Variants in RBFOX1 observed in about 807,000 individuals in gnomAD.
RBFOX1 encodes the protein RNA binding protein fox-1 homolog 1.
Under a neutral mutation model 57.7 loss-of-function variants are expected in RBFOX1, and 8 were observed. The observed-to-expected ratio is 0.14, with a 90% CI of 0.08 to 0.25. The LOEUF (loss-of-function observed/expected upper bound fraction) is 0.25, where lower values mean the gene tolerates loss of function less well. RBFOX1 is among the 10% of genes least tolerant of loss of function. RBFOX1 has a pLI of 1.00. For synonymous variants in RBFOX1, 326 were observed against 222.4 expected, an observed-to-expected ratio of 1.47 and a Z score of -4.15; for missense variants, 611 against 548.5, an observed-to-expected ratio of 1.11 and a Z score of -1.14.
chr16:6,909,733 TGTTG>T lies in RBFOX1; in HGVS notation c.-15-142320_-15-142317del, dbSNP rs570162009. On this transcript the variant is annotated intron_variant, in intron 3 of 15. Transcript: ENST00000550418. ...AAGTCGTGGCAGTCACAATGACTGT[TGTTG>T]GTTTCACTTTTTTTGGTGTTATTTT... Among the ~76,000 whole-genome samples, 369 of 152,306 alleles carry T rather than the reference TGTTG, an allele frequency of 2.4e-3. 2 individuals carry two copies. Among genetic ancestry groups the T allele is most frequent in the African/African-American group, 8.3e-3 (344 of 41,562 alleles).
chr16:5,885,706 G>T (rs74004676), intron 4 of RBFOX1, among the ~76,000 whole-genome samples: 2 of 152,108 alleles, frequency 1.3e-5, no homozygotes, highest in African/African-American at 4.8e-5. Context: ...AAAGAAATAC[G>T]TTCTGCTTTC....
chr16:5,518,416 C>G (rs140027568), intron 2 of RBFOX1, among the ~76,000 whole-genome samples: 223 of 152,264 alleles, frequency 1.5e-3, no homozygotes, highest in African/African-American at 5.2e-3. Flanking sequence ...TCTGCTTTTT[C>G]CCATCAGCTC....
chr16:7,053,386 C>G (rs538292449), intron 4 of RBFOX1, among the ~76,000 whole-genome samples: 1 of 152,248 alleles, frequency 6.6e-6, no homozygotes, highest in South Asian at 2.1e-4. Flanking sequence ...TCTGAACTGT[C>G]TTACTGCTTT....
chr16:7,046,924 C>G (rs57803601), intron 3 of RBFOX1, among the ~76,000 whole-genome samples: 3 of 151,752 alleles, frequency 2.0e-5, no homozygotes, highest in Admixed American at 2.0e-4. Flanking sequence ...GTTTAACTTC[C>G]GTATTGTATA....
chr16:5,809,509 C>T (rs368486607), intron 3 of RBFOX1, among the ~76,000 whole-genome samples: 21 of 152,100 alleles, frequency 1.4e-4, no homozygotes, highest in East Asian at 3.8e-4. Context: ...AAAAACTGGA[C>T]GAAGGACATG....
rs138174357 is a variant in RBFOX1 at position 5,547,265 on chromosome 16, A to G, written c.259-51637A>G. Among the ~76,000 whole-genome samples the G allele has an allele frequency of 2.3e-3, 351 of 152,336 alleles. 3 individuals carry two copies. Among genetic ancestry groups the G allele is most frequent in the African/African-American group, 8.1e-3 (336 of 41,580 alleles). ...TCATGTCTAGAGGTATTTATCCATG[A>G]GAAAAGGCAGCATGTCCTCAAACAA... is the stretch of plus-strand genomic sequence containing the variant. On this transcript the variant is annotated intron_variant, in intron 2 of 2. Transcript: ENST00000585867.
intron 1 of RBFOX1, among the ~76,000 whole-genome samples, chr16:6,040,161 T>C (rs1396443180): frequency 6.6e-6 from 1 of 152,258 alleles, no homozygotes; most frequent in African/African-American, 2.4e-5. Flanking sequence ...TAATTCACTC[T>C]GTTGCATGAT....
chr16:7,212,443 C>G (rs1408595479), intron 4 of RBFOX1, among the ~76,000 whole-genome samples: 1 of 152,124 alleles, frequency 6.6e-6, no homozygotes, highest in African/African-American at 2.4e-5. Flanking sequence ...AATAGGCATA[C>G]TTGTATCCAT....
intron 3 of RBFOX1, among the ~76,000 whole-genome samples, chr16:6,955,986 G>A (rs903964303): frequency 1.3e-5 from 2 of 152,190 alleles, no homozygotes; most frequent in African/African-American, 4.8e-5. Context: ...GATTACAGAT[G>A]TGAGCCACCA....
intron 3 of RBFOX1, among the ~76,000 whole-genome samples, chr16:6,936,140 G>A (rs909888988): frequency 1.3e-5 from 2 of 152,164 alleles, no homozygotes; most frequent in Admixed American, 1.3e-4. Context: ...ACACTTGATG[G>A]ATGCTGGTCT....
At position 7,415,653 on chromosome 16, in the gene RBFOX1, C is replaced by G. The variant is rs1316127197; in HGVS notation, c.28-102494C>G. Among the ~76,000 whole-genome samples the G allele has an allele frequency of 2.6e-5, 4 of 152,134 alleles. No individual in the cohort carries two copies. In the East Asian group the frequency reaches 7.7e-4, roughly 29 times the overall value. On this transcript the variant is annotated intron_variant, in intron 4 of 15. Transcript: ENST00000550418. ...CCCAGCATTGTATTCTCTGTTCTCT[C>G]TCTTAAAAGTGCCACCCTCTACCAA...
At chr16:6,532,791 GTC>G (rs888561652) in intron 2 of RBFOX1, among the ~76,000 whole-genome samples, 4 of 152,208 alleles carry the variant, frequency 2.6e-5, no homozygotes, top group South Asian at 2.1e-4. Flanking sequence ...CTGTGTTACC[GTC>G]TCTCTGTGCT....
At chr16:7,112,404 G>C (rs1442160036) in intron 4 of RBFOX1, among the ~76,000 whole-genome samples, 2 of 147,316 alleles carry the variant, frequency 1.4e-5, no homozygotes, top group Non-Finnish European at 3.0e-5. Flanking sequence ...GTAGAGACGT[G>C]GTTTCGCCAT....
At chr16:7,017,159 C>G (rs893375891) in intron 3 of RBFOX1, among the ~76,000 whole-genome samples, 3 of 152,126 alleles carry the variant, frequency 2.0e-5, no homozygotes, top group African/African-American at 7.2e-5. Context: ...AAGGTGCAAA[C>G]AGAGTCGCGG....
At chr16:7,522,971 C>G (rs531982934) in intron 5 of RBFOX1, among the ~76,000 whole-genome samples, 4 of 152,184 alleles carry the variant, frequency 2.6e-5, no homozygotes, top group Non-Finnish European at 4.4e-5. Context: ...TCTTTTCTTG[C>G]TCTTTTTTGA....
intron 3 of RBFOX1, among the ~76,000 whole-genome samples, chr16:5,704,151 G>T (rs2151488590): frequency 6.6e-6 from 1 of 152,314 alleles, no homozygotes; most frequent in African/African-American, 2.4e-5. Flanking sequence ...ACAGCAAGAA[G>T]AGGGGAGGTC....
intron 3 of RBFOX1, among the ~76,000 whole-genome samples, chr16:6,905,714 A>G (rs138064953): frequency 2.8e-4 from 43 of 152,322 alleles, no homozygotes; most frequent in African/African-American, 8.9e-4. Flanking sequence ...CCTGTTAGAA[A>G]GAATTTCTCT....
chr16:7,638,818 G>C (rs914941030), intron 11 of RBFOX1, among the ~76,000 whole-genome samples: 3 of 152,062 alleles, frequency 2.0e-5, no homozygotes, highest in Admixed American at 6.5e-5. Flanking sequence ...AGGCCAGATT[G>C]GGCCCAAGCG....
intron 3 of RBFOX1, chr16:5,838,785 C>A (rs2118014): frequency 0.84 from 128,036 of 152,192 alleles, 54,255 homozygotes; most frequent in African/African-American, 0.96. Flanking sequence ...AAAAAAATCT[C>A]TCTCTGCAAA....
Sources: allele counts gnomAD v4.1 joint callset (sites outside exome capture counted in the v4.1 genomes callset), GRCh38; gene constraint gnomAD v4.1.1; transcripts MANE v1.5; gene names NCBI Gene and HGNC (gene_info 2026-07-23, HGNC 2026-07-21).